Variants in KRIT1 observed in about 807,000 individuals in gnomAD.
KRIT1 encodes the protein krev interaction trapped protein 1.
KRIT1 carries 45 observed loss-of-function variants against 95.8 expected under a neutral mutation model. That is an observed-to-expected ratio of 0.47 (90% CI 0.37 to 0.60). The LOEUF is 0.60. Ranked by LOEUF, KRIT1 falls within the 20% of genes least tolerant of loss-of-function variation. The pLI is 0.00. For missense variants in KRIT1, 788 were observed against 877.5 expected, an observed-to-expected ratio of 0.90 and a Z score of 1.29; for synonymous variants, 282 against 278.8, an observed-to-expected ratio of 1.01 and a Z score of -0.11.
chr7:92,229,924 T>A (rs1454551584), intron 10 of KRIT1, among the ~76,000 whole-genome samples: 1 of 152,198 alleles, frequency 6.6e-6, no homozygotes, highest in Non-Finnish European at 1.5e-5. Context: ...AGTATCTATT[T>A]GAGAATATGT....
intron 17 of KRIT1, chr7:92,206,650 C>G (rs913058370): frequency 6.6e-6 from 1 of 151,848 alleles, no homozygotes. Context: ...ATAAATATAA[C>G]GATACAAAAA....
At position 92,213,340 on chromosome 7, in the gene KRIT1, T is replaced by C. The variant is rs1324750026; in HGVS notation, c.1880A>G (p.Gln627Arg). Reference protein sequence around the residue: ...EMHHLQRMFLQNCWEIPTYGA... With the variant: ...EMHHLQRMFLRNCWEIPTYGA... Reference sequence around the variant, plus strand: ...ATAAGTAGGAATTTCCCAGCAATTCTGTAAGAACATGCGCTGAAGGTGATG... The same window carrying C: ...ATAAGTAGGAATTTCCCAGCAATTCCGTAAGAACATGCGCTGAAGGTGATG... The change falls in exon 17 of 19, where the codon CAG (glutamine) becomes CGG (arginine). Residue 627 changes from glutamine to arginine, a missense_variant. By Grantham distance (43) the Gln-to-Arg change is conservative. Around this residue, in one of 3 missense-constraint regions of KRIT1, gnomAD observed 493 missense variants for 582.3 expected, o/e 0.85. Coordinates refer to ENST00000394505, the MANE Select transcript of KRIT1 (RefSeq NM_194454.3). 11 of 1,613,786 alleles carry C rather than the reference T, an allele frequency of 6.8e-6. No homozygotes were observed. Among genetic ancestry groups the C allele is most frequent in the Non-Finnish European group, 9.3e-6 (11 of 1,179,754 alleles).
intron 5 of KRIT1, among the ~76,000 whole-genome samples, chr7:92,240,595 T>C (rs1207163592): frequency 6.6e-6 from 1 of 152,206 alleles, no homozygotes; most frequent in East Asian, 1.9e-4. Context: ...GTCTTCTTTC[T>C]ATGACCAAAT....
chr7:92,223,370 C>T (rs867234158), intron 12 of KRIT1, among the ~76,000 whole-genome samples: 2 of 148,580 alleles, frequency 1.3e-5, no homozygotes, highest in Non-Finnish European at 3.0e-5. Flanking sequence ...GCGTGAACCC[C>T]GGGAGGAGCT....
intron 12 of KRIT1, among the ~76,000 whole-genome samples, chr7:92,224,170 G>C (rs1436845929): frequency 6.6e-6 from 1 of 152,222 alleles, no homozygotes; most frequent in Non-Finnish European, 1.5e-5. Flanking sequence ...TAAATCCAAA[G>C]AGATACTCAA....
At position 92,245,180 on chromosome 7, in the gene KRIT1, G is replaced by A. The variant is rs1800609536; in HGVS notation, c.-420-9C>T. On this transcript the variant is annotated splice_polypyrimidine_tract_variant and intron_variant, in intron 1 of 18. Coordinates refer to ENST00000394505, the MANE Select transcript of KRIT1 (RefSeq NM_194454.3). ...CGATGAAAGCCAAAAACCTTAAAAG[G>A]TGGAGAAAAGTGTAGAGGCGAGAAG... 1 of 151,994 alleles carries A rather than the reference G, an allele frequency of 6.6e-6. No individual in the cohort carries two copies. Among genetic ancestry groups the A allele is most frequent in the Non-Finnish European group, 1.5e-5 (1 of 68,022 alleles). 9.4% of individuals were successfully genotyped at this position (151,994 alleles called of 1,614,324 possible). A position where few individuals can be genotyped will look rare whatever the true frequency, so the allele number is the denominator to read the frequency against.
chr7:92,240,077 C>T (rs1039282560), intron 5 of KRIT1, among the ~76,000 whole-genome samples: 2 of 152,128 alleles, frequency 1.3e-5, no homozygotes, highest in African/African-American at 4.8e-5. Flanking sequence ...AAAAACTCTT[C>T]AGGCTCTATT....
At chr7:92,220,167 T>G (rs1794839358) in intron 14 of KRIT1, among the ~76,000 whole-genome samples, 1 of 152,232 alleles carries the variant, frequency 6.6e-6, no homozygotes, top group Non-Finnish European at 1.5e-5. Context: ...GGGTTTTTCA[T>G]GAACACCCTT....
chr7:92,245,982 G>A (rs2131848324), upstream of KRIT1: 3 of 234,152 alleles, frequency 1.3e-5, no homozygotes, highest in Non-Finnish European at 2.5e-5. Context: ...CCGGGTCGGC[G>A]GCCGGGCTGC....
intron 17 of KRIT1, among the ~76,000 whole-genome samples, chr7:92,202,085 T>C (rs1339680475): frequency 6.6e-6 from 1 of 152,254 alleles, no homozygotes; most frequent in African/African-American, 2.4e-5. Flanking sequence ...AATATTTACA[T>C]AGTACTTTCA....
At chr7:92,230,750 GGAGA>G (rs542656977) in intron 10 of KRIT1, among the ~76,000 whole-genome samples, 85 of 152,308 alleles carry the variant, frequency 5.6e-4, no homozygotes, top group Non-Finnish European at 9.6e-4. Context: ...CTATGATACA[GGAGA>G]GAGATGGGGA....
rs759985788 is a variant in KRIT1, at chr7:92,242,026, GT to G, written c.102+7del. On this transcript the variant is annotated splice_region_variant and intron_variant, in intron 4 of 18. Transcript: ENST00000394505. Reference sequence around the variant, plus strand: ...TGGTAGAAATAAATTATTATTAAATGTTCTTACTTCATATGACTTAGCTCTG... The same window carrying G: ...TGGTAGAAATAAATTATTATTAAATGTCTTACTTCATATGACTTAGCTCTG... 2.3e-6 allele frequency: 3 copies of G among 1,301,498 alleles called. No homozygotes were observed. The highest frequency in any genetic ancestry group is 3.3e-6 in the Non-Finnish European group (3 of 896,182). The allele number at this position is 1,301,498 out of a possible 1,614,324, so 80.6% of individuals were successfully genotyped here.
chr7:92,207,374 G>GAA (rs35624080), intron 17 of KRIT1, among the ~76,000 whole-genome samples: 96 of 142,438 alleles, frequency 6.7e-4, no homozygotes, highest in African/African-American at 2.0e-3. Flanking sequence ...AAAAGTTAAA[G>GAA]AAAAAAAAAA....
intron 7 of KRIT1, 36 bp from the exon 8 acceptor site, chr7:92,235,682 C>A: frequency 6.2e-7 from 1 of 1,608,278 alleles, no homozygotes; most frequent in South Asian, 1.1e-5. Context: ...AGTAGCCATT[C>A]GAAAGTGAAG....
chr7:92,224,977 G>A (rs1269152730), intron 12 of KRIT1, among the ~76,000 whole-genome samples: 3 of 151,748 alleles, frequency 2.0e-5, no homozygotes, highest in Non-Finnish European at 4.4e-5. Flanking sequence ...AGCTAACAGT[G>A]AAACCCCATC....
rs1478918893 is a variant in KRIT1 at position 92,199,805 on chromosome 7, C to T, written c.*931G>A. On this transcript the variant is annotated 3_prime_UTR_variant, in exon 19 of 19. Coordinates refer to ENST00000394505, the MANE Select transcript of KRIT1 (RefSeq NM_194454.3). Reference sequence around the variant, plus strand: ...TTAAGTTCACAAGGCCATGCTACTTCCAGAGAGTGAATGCCCTTGTTTAGA... The same window carrying T: ...TTAAGTTCACAAGGCCATGCTACTTTCAGAGAGTGAATGCCCTTGTTTAGA... 6.6e-6 allele frequency: 1 copy of T among 152,142 alleles called. No homozygotes were observed. The highest frequency in any genetic ancestry group is 1.5e-5 in the Non-Finnish European group (1 of 68,016). 9.4% of individuals were successfully genotyped at this position (152,142 alleles called of 1,614,324 possible). A position where few individuals can be genotyped will look rare whatever the true frequency, so the allele number is the denominator to read the frequency against.
intron 10 of KRIT1, 61 bp from the exon 11 acceptor site, chr7:92,226,743 T>C (rs1043521545): frequency 7.7e-5 from 117 of 1,511,698 alleles, no homozygotes; most frequent in Non-Finnish European, 9.4e-5. Context: ...AAAAAGATCA[T>C]CTGAAATGTT....
Position 92,200,308 on chromosome 7 carries a change from T to C in KRIT1, c.*428A>G, listed in dbSNP as rs1301119192. On this transcript the variant is annotated 3_prime_UTR_variant, in exon 19 of 19. Transcript: ENST00000394505. ...ACATAAGTACAGATTCTGTACAATG[T>C]AATAGTATACATATATATTACAAGA... 4.5e-6 allele frequency: 1 copy of C among 220,568 alleles called. No homozygotes were observed. Among genetic ancestry groups the C allele is most frequent in the Non-Finnish European group, 9.2e-6 (1 of 109,244 alleles). 13.7% of individuals were successfully genotyped at this position (220,568 alleles called of 1,614,324 possible).
chr7:92,211,259 T>C lies in KRIT1; in HGVS notation c.2025+1936A>G, dbSNP rs143404817. Among the ~76,000 whole-genome samples the C allele has an allele frequency of 1.1e-3, 170 of 152,336 alleles. 2 individuals are homozygous for C. Among genetic ancestry groups the C allele is most frequent in the African/African-American group, 3.8e-3 (160 of 41,574 alleles). ...AGCACTATTCACAATAGCAAAGATA[T>C]GGAATCAACCTAAGTGTCTCCCAAC... On this transcript the variant is annotated intron_variant, in intron 17 of 18. Coordinates refer to ENST00000394505, the MANE Select transcript of KRIT1 (RefSeq NM_194454.3).
Sources: gnomAD v4.1 joint callset for allele counts (sites outside exome capture counted in the v4.1 genomes callset) on GRCh38, gnomAD v4.1.1 for gene constraint, gnomAD v4.1.1 regional missense constraint, MANE v1.5 for transcripts, NCBI Gene and HGNC (gene_info 2026-07-23, HGNC 2026-07-21) for gene names.